VWC2L: variants seen among roughly 807,000 people sequenced by gnomAD.
VWC2L encodes von Willebrand factor C domain-containing protein 2-like.
A neutral mutation model predicts 21.6 loss-of-function variants in VWC2L; 10 were observed. The ratio of observed to expected loss-of-function variants is 0.46; its 90% CI spans 0.29 to 0.78. VWC2L has a LOEUF of 0.78. Ranked by LOEUF, VWC2L falls within the 30% of genes least tolerant of loss-of-function variation. The pLI is 0.10. For synonymous variants in VWC2L, 96 were observed against 94.3 expected (o/e 1.02, Z -0.10); for missense variants, 209 against 277.1 (o/e 0.75, Z 1.74).
At chr2:214,443,802 A>G (rs1702798016) in intron 3 of VWC2L, among the ~76,000 whole-genome samples, 1 of 152,212 alleles carries the variant, frequency 6.6e-6, no homozygotes, top group Non-Finnish European at 1.5e-5. Context: ...CATTTCAGAT[A>G]CATAGATAGA....
chr2:214,438,285 A>C (rs1029101717), intron 3 of VWC2L, among the ~76,000 whole-genome samples: 1 of 152,104 alleles, frequency 6.6e-6, no homozygotes, highest in African/African-American at 2.4e-5. Context: ...AAAGTAGAAG[A>C]GAAAGTATTA....
At chr2:214,479,105 G>A (rs1270086661) in intron 3 of VWC2L, among the ~76,000 whole-genome samples, 1 of 152,078 alleles carries the variant, frequency 6.6e-6, no homozygotes, top group Non-Finnish European at 1.5e-5. Context: ...CTTTGATCTT[G>A]CAGAGGACCC....
At chr2:214,444,031 TACATATATAAAATAAC>T (rs1702801069) in intron 3 of VWC2L, among the ~76,000 whole-genome samples, 1 of 152,104 alleles carries the variant, frequency 6.6e-6, no homozygotes, top group African/African-American at 2.4e-5. Flanking sequence ...TATACACATA[TACATATATAAAATAAC>T]ACATATATGT....
chr2:214,541,284 G>GAAA (rs201085687), intron 3 of VWC2L, among the ~76,000 whole-genome samples: 1 of 146,224 alleles, frequency 6.8e-6, no homozygotes, highest in Non-Finnish European at 1.5e-5. Context: ...CACCCAAATG[G>GAAA]AAAAAAAAAA....
intron 3 of VWC2L, among the ~76,000 whole-genome samples, chr2:214,447,648 G>A (rs1702858560): frequency 6.6e-6 from 1 of 152,130 alleles, no homozygotes; most frequent in East Asian, 1.9e-4. Context: ...ATCCTTAAAT[G>A]TAAATGCCTT....
At chr2:214,488,415 T>A (rs1286570211) in intron 3 of VWC2L, among the ~76,000 whole-genome samples, 1 of 152,090 alleles carries the variant, frequency 6.6e-6, no homozygotes, top group Admixed American at 6.6e-5. Context: ...CGTGGCAACA[T>A]GGCAAAACCC....
At chr2:214,515,708 C>T (rs1423520570) in intron 3 of VWC2L, among the ~76,000 whole-genome samples, 1 of 152,154 alleles carries the variant, frequency 6.6e-6, no homozygotes, top group Non-Finnish European at 1.5e-5. Context: ...CACCCACCAC[C>T]AGTCCCGGCT....
At chr2:214,550,771 T>C (rs1246586337) in intron 3 of VWC2L, among the ~76,000 whole-genome samples, 2 of 152,224 alleles carry the variant, frequency 1.3e-5, no homozygotes, top group Non-Finnish European at 2.9e-5. Flanking sequence ...TTTTTGATCC[T>C]GCTCATTTTG....
chr2:214,476,806 T>C (rs998730413), intron 3 of VWC2L, among the ~76,000 whole-genome samples: 2 of 152,218 alleles, frequency 1.3e-5, no homozygotes, highest in South Asian at 2.1e-4. Flanking sequence ...TTTTAAGATA[T>C]TGAAGTATTT....
chr2:214,546,031 C>T (rs1689701037), intron 3 of VWC2L, among the ~76,000 whole-genome samples: 3 of 152,160 alleles, frequency 2.0e-5, no homozygotes, highest in South Asian at 4.1e-4. Flanking sequence ...TGCATGCTAA[C>T]TTTGGATTTG....
At chr2:214,509,995 C>T (rs570044163) in intron 3 of VWC2L, among the ~76,000 whole-genome samples, 35 of 152,290 alleles carry the variant, frequency 2.3e-4, no homozygotes, top group African/African-American at 8.4e-4. Flanking sequence ...ATTTATATAA[C>T]TATAAACTAG....
intron 2 of VWC2L, among the ~76,000 whole-genome samples, chr2:214,420,502 G>T (rs1019769427): frequency 2.0e-5 from 3 of 152,174 alleles, no homozygotes; most frequent in Non-Finnish European, 4.4e-5. Context: ...CATTGCACGA[G>T]TGTCTATGAA....
chr2:214,520,404 G>T (rs1280227484), intron 3 of VWC2L, among the ~76,000 whole-genome samples: 1 of 151,972 alleles, frequency 6.6e-6, no homozygotes, highest in East Asian at 1.9e-4. Context: ...TTATGAAGCA[G>T]TTTCATTATG....
intron 2 of VWC2L, among the ~76,000 whole-genome samples, chr2:214,422,179 C>T (rs981011827): frequency 1.1e-4 from 17 of 151,952 alleles, no homozygotes; most frequent in African/African-American, 1.7e-4. Context: ...TGAGCCACCG[C>T]GCCCGGCCTA....
At chr2:214,529,677 C>G (rs112776618) in intron 3 of VWC2L, among the ~76,000 whole-genome samples, 173 of 152,210 alleles carry the variant, frequency 1.1e-3, no homozygotes, top group Middle Eastern at 6.8e-3. Flanking sequence ...AATTATGAAG[C>G]TTTTCTACAA....
intron 3 of VWC2L, among the ~76,000 whole-genome samples, chr2:214,560,266 A>G (rs574646248): frequency 6.6e-6 from 1 of 152,332 alleles, no homozygotes; most frequent in East Asian, 1.9e-4. Flanking sequence ...AGTATGTTCC[A>G]GTAATGAAAT....
At chr2:214,520,238 T>C (rs950402062) in intron 3 of VWC2L, among the ~76,000 whole-genome samples, 1 of 152,200 alleles carries the variant, frequency 6.6e-6, no homozygotes, top group Admixed American at 6.5e-5. Flanking sequence ...CTTGCTTCTT[T>C]TTGAAACAAA....
intron 3 of VWC2L, among the ~76,000 whole-genome samples, chr2:214,540,919 C>A (rs969177162): frequency 1.3e-5 from 2 of 152,188 alleles, no homozygotes; most frequent in Non-Finnish European, 2.9e-5. Context: ...GTCAATTAAT[C>A]TCCATTTATT....
intron 3 of VWC2L, among the ~76,000 whole-genome samples, chr2:214,519,480 G>A (rs1242025455): frequency 1.3e-5 from 2 of 152,144 alleles, no homozygotes; most frequent in Non-Finnish European, 2.9e-5. Context: ...GCTGTTCTTT[G>A]CCCACATTGG....
Sources: gnomAD v4.1 joint callset for allele counts (sites outside exome capture counted in the v4.1 genomes callset) on GRCh38, gnomAD v4.1.1 for gene constraint, MANE v1.5 for transcripts, NCBI Gene and HGNC (gene_info 2026-07-23, HGNC 2026-07-21) for gene names.